Variants in LARGE1 observed in about 807,000 individuals in gnomAD.
The protein encoded by LARGE1 is LARGE xylosyl- and glucuronyltransferase 1.
LARGE1 carries 43 observed loss-of-function variants against 87.6 expected under a neutral mutation model. The ratio of observed to expected loss-of-function variants is 0.49; its 90% CI spans 0.38 to 0.63. The LOEUF (loss-of-function observed/expected upper bound fraction) is 0.63, where lower values mean the gene tolerates loss of function less well. Ranked by LOEUF, LARGE1 falls within the 30% of genes least tolerant of loss-of-function variation. The pLI is 0.00. For synonymous variants in LARGE1, 434 were observed against 394.6 expected (o/e 1.10, Z -1.18); for missense variants, 802 against 1,000.2 (o/e 0.80, Z 2.67).
chr22:33,231,198 A>G (rs758215772), intron 11 of LARGE1, among the ~76,000 whole-genome samples: 1 of 152,222 alleles, frequency 6.6e-6, no homozygotes, highest in Non-Finnish European at 1.5e-5. Context: ...ACTGTACATT[A>G]AAAAGTGTAA....
chr22:33,479,855 G>C (rs181362184), intron 6 of LARGE1, among the ~76,000 whole-genome samples: 1 of 150,636 alleles, frequency 6.6e-6, no homozygotes, highest in African/African-American at 2.4e-5. Context: ...AGCAATTCTC[G>C]TGCCTCAGTC....
chr22:33,564,811 A>G (rs1381680987), intron 6 of LARGE1, 37 bp downstream of exon 6: 1 of 1,610,834 alleles, frequency 6.2e-7, no homozygotes. Flanking sequence ...TGATACCTAC[A>G]AGGATATCGG....
intron 9 of LARGE1, among the ~76,000 whole-genome samples, chr22:33,368,533 CA>C (rs34999879): frequency 0.019 from 2,227 of 115,486 alleles, 29 homozygotes; most frequent in African/African-American, 0.056. Flanking sequence ...GACTCTTTCT[CA>C]AAAAAAAAAA....
At chr22:33,224,281 G>T (rs1469728845) in intron 11 of LARGE1, among the ~76,000 whole-genome samples, 1 of 149,646 alleles carries the variant, frequency 6.7e-6, no homozygotes, top group Non-Finnish European at 1.5e-5. Context: ...AAAAAGAAAA[G>T]AAAAAAGAAA....
chr22:33,075,538 T>C, the LARGE1 span, among the ~76,000 whole-genome samples: 5 of 152,292 alleles, frequency 3.3e-5, no homozygotes, highest in South Asian at 1.0e-3. Flanking sequence ...CCTCATTGTA[T>C]AGATAAGGGG....
intron 2 of LARGE1, among the ~76,000 whole-genome samples, chr22:33,755,221 G>C (rs2084466147): frequency 6.6e-6 from 1 of 152,188 alleles, no homozygotes; most frequent in Non-Finnish European, 1.5e-5. Context: ...TCAGGCTTTA[G>C]GAATGACAAA....
At chr22:33,756,251 T>C (rs2084509216) in intron 2 of LARGE1, among the ~76,000 whole-genome samples, 1 of 152,098 alleles carries the variant, frequency 6.6e-6, no homozygotes, top group African/African-American at 2.4e-5. Context: ...CACTCATTCA[T>C]TGAACAAACA....
intron 1 of LARGE1, among the ~76,000 whole-genome samples, chr22:33,893,747 G>T (rs2065063269): frequency 1.3e-5 from 2 of 152,148 alleles, no homozygotes; most frequent in African/African-American, 4.8e-5. Context: ...CACTCACAAG[G>T]TGTTTGCAAT....
At chr22:33,135,016 T>G in the LARGE1 span, among the ~76,000 whole-genome samples, 1 of 152,156 alleles carries the variant, frequency 6.6e-6, no homozygotes, top group Non-Finnish European at 1.5e-5. Flanking sequence ...CAGCAAAAAC[T>G]TTAGCAGGAA....
At chr22:33,384,008 A>G (rs553865245) in intron 8 of LARGE1, among the ~76,000 whole-genome samples, 184 bp downstream of exon 8, 1 of 152,370 alleles carries the variant, frequency 6.6e-6, no homozygotes, top group South Asian at 2.1e-4. Flanking sequence ...ATGAATGAAC[A>G]AAGGGAAGGC....
intron 3 of LARGE1, among the ~76,000 whole-genome samples, chr22:33,649,885 C>G (rs1420762645): frequency 1.3e-5 from 2 of 152,192 alleles, no homozygotes; most frequent in Non-Finnish European, 2.9e-5. Context: ...TATAAAAGTT[C>G]AAATTACTTC....
At chr22:33,700,047 G>A (rs2082361905) in intron 2 of LARGE1, among the ~76,000 whole-genome samples, 1 of 152,100 alleles carries the variant, frequency 6.6e-6, no homozygotes, top group African/African-American at 2.4e-5. Flanking sequence ...TGTCCTTAAC[G>A]AGTACATAGA....
At chr22:33,631,360 C>T (rs1203304505) in intron 3 of LARGE1, among the ~76,000 whole-genome samples, 1 of 152,172 alleles carries the variant, frequency 6.6e-6, no homozygotes, top group East Asian at 1.9e-4. Context: ...TTTATAACAA[C>T]ACATAGCTTG....
intron 1 of LARGE1, among the ~76,000 whole-genome samples, chr22:33,867,169 G>A (rs559361926): frequency 3.9e-5 from 6 of 152,142 alleles, no homozygotes; most frequent in Admixed American, 1.3e-4. Flanking sequence ...ATTACCCCAC[G>A]GTGGATGGAT....
At chr22:33,711,632 G>A (rs1287053141) in intron 2 of LARGE1, among the ~76,000 whole-genome samples, 2 of 152,100 alleles carry the variant, frequency 1.3e-5, no homozygotes, top group African/African-American at 4.8e-5. Flanking sequence ...GAAGGGAAAA[G>A]GTAAGAATAT....
At chr22:33,833,605 C>T (rs2063032474) in intron 1 of LARGE1, among the ~76,000 whole-genome samples, 1 of 152,180 alleles carries the variant, frequency 6.6e-6, no homozygotes, top group Non-Finnish European at 1.5e-5. Context: ...GTCTGTGGTA[C>T]CTTGTTACGA....
At chr22:33,697,845 C>T (rs149980919) in intron 2 of LARGE1, among the ~76,000 whole-genome samples, 69 of 152,298 alleles carry the variant, frequency 4.5e-4, no homozygotes, top group African/African-American at 1.6e-3. Context: ...TGTGGTCATC[C>T]TTGCCTGGGT....
intron 6 of LARGE1, among the ~76,000 whole-genome samples, chr22:33,525,915 G>A (rs530993363): frequency 1.3e-5 from 2 of 152,214 alleles, no homozygotes; most frequent in East Asian, 1.9e-4. Flanking sequence ...CATATTACCC[G>A]GCAGCCCCAT....
chr22:33,440,970 T>C (rs1270551344), intron 6 of LARGE1, among the ~76,000 whole-genome samples: 1 of 151,812 alleles, frequency 6.6e-6, no homozygotes, highest in Non-Finnish European at 1.5e-5. Flanking sequence ...ACGCAGTCAA[T>C]GGAAGAGCCA....
Sources: gnomAD v4.1 joint callset for allele counts (sites outside exome capture counted in the v4.1 genomes callset) on GRCh38, gnomAD v4.1.1 for gene constraint, MANE v1.5 for transcripts, NCBI Gene and HGNC (gene_info 2026-07-23, HGNC 2026-07-21) for gene names.